The following MAP3K5 variants were observed in gnomAD, a reference collection of about 807,000 sequenced individuals.
MAP3K5 encodes the protein ASK-1.
A neutral mutation model predicts 158.7 loss-of-function variants in MAP3K5; 56 were observed. The ratio of observed to expected loss-of-function variants is 0.35; its 90% CI spans 0.28 to 0.44. The LOEUF (loss-of-function observed/expected upper bound fraction) is 0.44. Among genes scored for constraint, MAP3K5 ranks in the 20% least tolerant of loss-of-function variants. MAP3K5 has a pLI of 1.00. For synonymous variants in MAP3K5, 579 were observed against 601.7 expected (o/e 0.96, Z 0.55); for missense variants, 1,294 against 1,674.8 (o/e 0.77, Z 3.97).
chr6:136,561,627 A>G lies in MAP3K5; in HGVS notation c.3893T>C (p.Val1298Ala). The G allele has an allele frequency of 3.1e-6, 5 of 1,609,086 alleles. No homozygotes were observed. The highest frequency in any genetic ancestry group is 4.3e-6 in the Non-Finnish European group (5 of 1,175,390). The change falls in exon 28 of 30, where the codon GTA becomes GCA. Residue 1298 changes from valine (V) to alanine (A), a missense_variant. By Grantham distance (64) the Val-to-Ala change is moderately conservative. Coordinates refer to ENST00000359015, the MANE Select transcript of MAP3K5 (RefSeq NM_005923.4). ...SQPIEIPELP[V>A]FHLNSSGTNT... The stretch of plus-strand genomic sequence containing the variant: ...TGTGCCAGAAGAATTTAGATGAAAT[A>G]CAGGCAATTCAGGAATTTCTAGAAC...
At chr6:136,602,259 A>G (rs886706052) in intron 19 of MAP3K5, among the ~76,000 whole-genome samples, 2 of 152,182 alleles carry the variant, frequency 1.3e-5, no homozygotes, top group Non-Finnish European at 2.9e-5. Context: ...GCTTTAGAAC[A>G]TATTGGTACA....
chr6:136,592,308 A>T lies in MAP3K5; in HGVS notation c.3090T>A (p.Ala1030=). 6.3e-7 allele frequency: 1 copy of T among 1,599,808 alleles called. No homozygotes were observed. The highest frequency in any genetic ancestry group is 8.5e-7 in the Non-Finnish European group (1 of 1,174,122). ...IPDENFEDHS[A]PPSPEEKDSG... is the part of the protein sequence containing the mutation. ...AATCTTTTTCTTCAGGGGAAGGAGG[A>T]GCACTGTGATCTTCAAAATTCTCAT... Residue 1030 remains alanine (A), a synonymous_variant, in exon 23 of 30, where the codon GCT becomes GCA. Coordinates refer to ENST00000359015, the MANE Select transcript of MAP3K5 (RefSeq NM_005923.4).
intron 18 of MAP3K5, among the ~76,000 whole-genome samples, chr6:136,608,415 C>G (rs528944732): frequency 7.2e-5 from 11 of 152,068 alleles, no homozygotes; most frequent in Non-Finnish European, 1.6e-4. Context: ...ACCGAAAATG[C>G]AGGTGAGCGA....
chr6:136,700,218 CTG>C (rs1279042228), intron 3 of MAP3K5, among the ~76,000 whole-genome samples: 1 of 152,154 alleles, frequency 6.6e-6, no homozygotes, highest in African/African-American at 2.4e-5. Context: ...ACAATCAAAA[CTG>C]TGCATTTTGG....
chr6:136,691,107 T>G (rs1239902798), intron 7 of MAP3K5, among the ~76,000 whole-genome samples: 2 of 152,176 alleles, frequency 1.3e-5, no homozygotes, highest in African/African-American at 2.4e-5. Flanking sequence ...TGTATTTCTG[T>G]TTTTCACCAA....
chr6:136,743,081 G>A lies in MAP3K5; in HGVS notation c.449-22492C>T, dbSNP rs558348382. 4.7e-5 allele frequency among the ~76,000 whole-genome samples: 7 copies of A among 148,842 alleles called. No homozygotes were observed. The South Asian group carries it at 1.5e-3, about 32-fold the overall frequency. On this transcript the variant is annotated intron_variant, in intron 1 of 29. Coordinates refer to ENST00000359015, the MANE Select transcript of MAP3K5 (RefSeq NM_005923.4). ...CTCCAGCCTGGGTGACAGAGACCTT[G>A]TCTCTAAAAAAAAAGAAAAAGAAAA...
At chr6:136,697,085 A>G (rs1583434979) in intron 5 of MAP3K5, 134 bp downstream of exon 5, 2 of 541,756 alleles carry the variant, frequency 3.7e-6, no homozygotes, top group East Asian at 3.2e-5. Context: ...TAGGATGGAA[A>G]GCTTAAGAGA....
At chr6:136,722,153 C>T (rs1416510280) in intron 1 of MAP3K5, among the ~76,000 whole-genome samples, 1 of 152,152 alleles carries the variant, frequency 6.6e-6, no homozygotes, top group African/African-American at 2.4e-5. Flanking sequence ...AATACCCCAA[C>T]AGACTTAGCT....
At chr6:136,614,098 A>G in intron 16 of MAP3K5, 61 bp downstream of exon 16, 2 of 1,571,244 alleles carry the variant, frequency 1.3e-6, no homozygotes, top group Non-Finnish European at 8.6e-7. Flanking sequence ...ATCCCATTCA[A>G]TTTTACTCCC....
At chr6:136,742,158 G>A (rs77825257) in intron 1 of MAP3K5, among the ~76,000 whole-genome samples, 184 of 152,272 alleles carry the variant, frequency 1.2e-3, no homozygotes, top group African/African-American at 4.3e-3. Flanking sequence ...CTAAGTTTAT[G>A]TGGAGAGGGA....
rs1052994305 is a variant in MAP3K5 at position 136,698,418 on chromosome 6, T to C, written c.806+71A>G. The C allele has an allele frequency of 2.1e-5, 28 of 1,324,954 alleles. No homozygotes were observed. In the Admixed American group the frequency reaches 5.2e-4, roughly 25 times the overall value. The allele number at this position is 1,324,954 out of a possible 1,614,324, so 82.1% of individuals were successfully genotyped here. On this transcript the variant is annotated intron_variant, in intron 4 of 29. Coordinates refer to ENST00000359015, the MANE Select transcript of MAP3K5 (RefSeq NM_005923.4). ...ACTGATATCTCAGGAGCACCTGATATCATGCACAAATAAAGATGTAGAATA... is the reference window on the plus strand; with the variant it reads ...ACTGATATCTCAGGAGCACCTGATACCATGCACAAATAAAGATGTAGAATA...
At chr6:136,734,381 C>T (rs949357817) in intron 1 of MAP3K5, among the ~76,000 whole-genome samples, 1 of 133,320 alleles carries the variant, frequency 7.5e-6, no homozygotes, top group Non-Finnish European at 1.5e-5. Context: ...GATCATGGCA[C>T]TGCACTCCAG....
At chr6:136,673,220 CCAACCCGACT>C (rs1429091465) in intron 7 of MAP3K5, among the ~76,000 whole-genome samples, 1 of 151,968 alleles carries the variant, frequency 6.6e-6, no homozygotes, top group Admixed American at 6.6e-5. Flanking sequence ...AAACCCAGAC[CCAACCCGACT>C]CAACTGCATT....
At chr6:136,782,514 A>G (rs1296532670) in intron 1 of MAP3K5, among the ~76,000 whole-genome samples, 1 of 152,218 alleles carries the variant, frequency 6.6e-6, no homozygotes, top group Admixed American at 6.5e-5. Context: ...AAGTACTGGT[A>G]TAACTGGTCT....
chr6:136,643,114 C>T (rs1418834798), intron 11 of MAP3K5, among the ~76,000 whole-genome samples: 1 of 152,096 alleles, frequency 6.6e-6, no homozygotes, highest in Non-Finnish European at 1.5e-5. Context: ...GTATTGCTAC[C>T]TAATTTATGC....
chr6:136,661,877 T>C (rs1779021917), intron 8 of MAP3K5, among the ~76,000 whole-genome samples: 2 of 152,234 alleles, frequency 1.3e-5, no homozygotes. Context: ...AGATGCACTC[T>C]TGAACCTCAG....
At chr6:136,623,028 C>T (rs1301741136) in intron 14 of MAP3K5, 47 bp from the exon 15 acceptor site, 1 of 1,587,492 alleles carries the variant, frequency 6.3e-7, no homozygotes, top group South Asian at 1.1e-5. Flanking sequence ...TTAGTTCATT[C>T]TACATTTCAA....
chr6:136,780,524 G>T (rs1026459229), intron 1 of MAP3K5, among the ~76,000 whole-genome samples: 1 of 152,090 alleles, frequency 6.6e-6, no homozygotes, highest in Non-Finnish European at 1.5e-5. Context: ...GTTTATATTT[G>T]TAGAGAGTTG....
At chr6:136,652,607 ACT>A (rs1778568440) in intron 10 of MAP3K5, among the ~76,000 whole-genome samples, 1 of 152,158 alleles carries the variant, frequency 6.6e-6, no homozygotes, top group African/African-American at 2.4e-5. Flanking sequence ...ACATCATCCA[ACT>A]CTCTTCATTG....
Sources: allele counts gnomAD v4.1 joint callset (sites outside exome capture counted in the v4.1 genomes callset), GRCh38; gene constraint gnomAD v4.1.1; transcripts MANE v1.5; gene names NCBI Gene and HGNC (gene_info 2026-07-23, HGNC 2026-07-21).